Variants in GRK7 observed in about 807,000 individuals in gnomAD.
The protein encoded by GRK7 is G protein-coupled receptor kinase 7, also known as rhodopsin kinase GRK7.
Under a neutral mutation model 34.1 loss-of-function variants are expected in GRK7, and 24 were observed. The ratio of observed to expected loss-of-function variants is 0.70; its 90% CI spans 0.51 to 0.99. The LOEUF is 0.99. Ranked by LOEUF, GRK7 falls within the 50% of genes least tolerant of loss-of-function variation. GRK7 has a pLI of 0.00. For synonymous variants in GRK7, 256 were observed against 279.4 expected (o/e 0.92, Z 0.84); for missense variants, 644 against 707.3 (o/e 0.91, Z 1.02).
chr3:141,809,753 C>T (rs1711073840), intron 5 of GRK7, among the ~76,000 whole-genome samples: 1 of 152,118 alleles, frequency 6.6e-6, no homozygotes, highest in Non-Finnish European at 1.5e-5. Flanking sequence ...TGTGAAAAGA[C>T]CCTTGGCAGT....
intron 4 of GRK7, among the ~76,000 whole-genome samples, chr3:141,796,104 A>G (rs999564282): frequency 4.6e-5 from 7 of 152,188 alleles, no homozygotes; most frequent in Non-Finnish European, 7.4e-5. Context: ...GAGCTTGAGC[A>G]TTTGAATCCT....
At chr3:141,786,648 C>T (rs1406745589) in intron 4 of GRK7, among the ~76,000 whole-genome samples, 1 of 151,864 alleles carries the variant, frequency 6.6e-6, no homozygotes, top group African/African-American at 2.4e-5. Context: ...CATGATGGCA[C>T]GTGCCTGTAG....
the GRK7 span, among the ~76,000 whole-genome samples, chr3:141,756,482 C>T: frequency 6.6e-6 from 1 of 152,098 alleles, no homozygotes; most frequent in African/African-American, 2.4e-5. Context: ...CTATAGGGAT[C>T]AAAATCAGAA....
Position 141,780,507 on chromosome 3 carries a change from C to A in GRK7, c.746C>A (p.Pro249His), listed in dbSNP as rs778069283. 6.2e-7 allele frequency: 1 copy of A among 1,614,246 alleles called. No homozygotes were observed. The highest frequency in any genetic ancestry group is 1.1e-5 in the South Asian group (1 of 91,090). The change falls in exon 4 of 6, where the codon CCT becomes CAT. Residue 249 changes from proline to histidine, a missense_variant. Coordinates refer to ENST00000682958, the MANE Select transcript of GRK7 (RefSeq NM_139209.3). ...GAAATCTTGGAGAAGGTCAGCAGCC[C>A]TTTCATTGTCTCTCTGGCCTATGCC... ...EKEILEKVSS[P>H]FIVSLAYAFE...
intron 4 of GRK7, among the ~76,000 whole-genome samples, chr3:141,793,626 C>T (rs1160432959): frequency 1.3e-5 from 2 of 152,104 alleles, no homozygotes; most frequent in Non-Finnish European, 2.9e-5. Context: ...GGGGTCCAGA[C>T]TTGTGTATCC....
At chr3:141,806,722 C>T (rs1481896532) in intron 4 of GRK7, among the ~76,000 whole-genome samples, 1 of 151,798 alleles carries the variant, frequency 6.6e-6, no homozygotes, top group Admixed American at 6.6e-5. Context: ...ATGGTGGTTG[C>T]CTGGCGTTGA....
At chr3:141,784,157 T>C (rs1221476625) in intron 4 of GRK7, among the ~76,000 whole-genome samples, 1 of 152,208 alleles carries the variant, frequency 6.6e-6, no homozygotes, top group Non-Finnish European at 1.5e-5. Flanking sequence ...TCATGGGCCA[T>C]GGCCATTTGG....
At chr3:141,807,230 C>T (rs1182950871) in intron 4 of GRK7, among the ~76,000 whole-genome samples, 1 of 152,128 alleles carries the variant, frequency 6.6e-6, no homozygotes, top group African/African-American at 2.4e-5. Flanking sequence ...CTTAAAAAAT[C>T]ATATACATCT....
At chr3:141,787,869 G>A (rs2084704387) in intron 4 of GRK7, among the ~76,000 whole-genome samples, 1 of 150,276 alleles carries the variant, frequency 6.7e-6, no homozygotes, top group South Asian at 2.1e-4. Context: ...AATTACCTGG[G>A]CATGATGGTA....
At chr3:141,769,349 T>C (rs1165313758) in intron 1 of GRK7, among the ~76,000 whole-genome samples, 1 of 152,178 alleles carries the variant, frequency 6.6e-6, no homozygotes, top group Non-Finnish European at 1.5e-5. Flanking sequence ...CTTTGTTCCA[T>C]CTTGACAGCC....
intron 1 of GRK7, among the ~76,000 whole-genome samples, chr3:141,771,353 A>G (rs574282471): frequency 5.9e-5 from 9 of 152,358 alleles, no homozygotes; most frequent in African/African-American, 2.2e-4. Flanking sequence ...AGAAAGAGAA[A>G]GTCAAATACA....
chr3:141,803,959 T>C (rs185835298), intron 4 of GRK7, among the ~76,000 whole-genome samples: 63 of 152,262 alleles, frequency 4.1e-4, no homozygotes, highest in African/African-American at 1.5e-3. Context: ...TCCGCCCGCC[T>C]CAGCCTCACA....
chr3:141,749,997 ACAGAGCGAGACTCCGTCT>A, the GRK7 span, among the ~76,000 whole-genome samples: 1 of 151,690 alleles, frequency 6.6e-6, no homozygotes. Context: ...AGCCTGGGCG[ACAGAGCGAGACTCCGTCT>A]CAAAAAAAAA....
chr3:141,783,418 G>A (rs891192261), intron 4 of GRK7, among the ~76,000 whole-genome samples: 11 of 152,178 alleles, frequency 7.2e-5, no homozygotes, highest in African/African-American at 2.4e-4. Context: ...GTGAAGGAGC[G>A]GGTTCTAGTT....
At chr3:141,790,775 G>C (rs1025997539) in intron 4 of GRK7, among the ~76,000 whole-genome samples, 21 of 152,022 alleles carry the variant, frequency 1.4e-4, no homozygotes, top group African/African-American at 4.8e-4. Context: ...TGTTGGCCAG[G>C]CTGGTCTGGA....
At chr3:141,776,698 GGCTCTGACAGGCAGA>G (rs1231170610) in intron 2 of GRK7, among the ~76,000 whole-genome samples, 1 of 152,206 alleles carries the variant, frequency 6.6e-6, no homozygotes, top group Non-Finnish European at 1.5e-5. Context: ...AACAGTCGGA[GGCTCTGACAGGCAGA>G]GCAAGGCGAT....
the GRK7 span, among the ~76,000 whole-genome samples, chr3:141,752,729 T>G: frequency 2.0e-5 from 3 of 152,134 alleles, no homozygotes; most frequent in African/African-American, 7.2e-5. Flanking sequence ...CACCAAGAGG[T>G]TACATAACCT....
At chr3:141,806,196 A>G (rs1381567641) in intron 4 of GRK7, among the ~76,000 whole-genome samples, 1 of 152,148 alleles carries the variant, frequency 6.6e-6, no homozygotes, top group Non-Finnish European at 1.5e-5. Flanking sequence ...CCACAGTTAA[A>G]TAATCTGGTT....
intron 5 of GRK7, among the ~76,000 whole-genome samples, chr3:141,811,421 G>A (rs1198851389): frequency 6.6e-6 from 1 of 152,128 alleles, no homozygotes; most frequent in Non-Finnish European, 1.5e-5. Flanking sequence ...TCATGAAAAT[G>A]CTACCTTAAA....
Sources: gnomAD v4.1 joint callset for allele counts (sites outside exome capture counted in the v4.1 genomes callset) on GRCh38, gnomAD v4.1.1 for gene constraint, MANE v1.5 for transcripts, NCBI Gene and HGNC (gene_info 2026-07-23, HGNC 2026-07-21) for gene names.